NR1H3: variants seen among roughly 807,000 people sequenced by gnomAD.
NR1H3 encodes nuclear receptor subfamily 1 group H member 3.
A neutral mutation model predicts 48.1 loss-of-function variants in NR1H3; 19 were observed. That is an observed-to-expected ratio of 0.40 (90% CI 0.28 to 0.58). NR1H3 has a LOEUF of 0.58. NR1H3 is among the 20% of genes least tolerant of loss of function. The probability of loss-of-function intolerance (pLI) is 0.50; values close to 1 mark genes in which losing one functional copy is unlikely to be tolerated. For missense variants in NR1H3, 486 were observed against 595.9 expected, an observed-to-expected ratio of 0.82 and a Z score of 1.92; for synonymous variants, 232 against 227.3, an observed-to-expected ratio of 1.02 and a Z score of -0.19.
At chr11:47,259,089 T>C (rs1236948298) in intron 1 of NR1H3, 91 bp from the exon 2 acceptor site, 9 of 1,581,388 alleles carry the variant, frequency 5.7e-6, no homozygotes, top group Non-Finnish European at 7.8e-6. Context: ...ATATTGTTGA[T>C]ATTGATAAAA....
chr11:47,262,508 C>CA (rs1554985731), intron 7 of NR1H3, among the ~76,000 whole-genome samples: 2 of 147,604 alleles, frequency 1.4e-5, no homozygotes, highest in Non-Finnish European at 3.0e-5. Context: ...CGGCCAAGTA[C>CA]TTTTTTTTTG....
chr11:47,256,165 C>T (rs752393441), upstream of NR1H3, among the ~76,000 whole-genome samples: 11 of 151,452 alleles, frequency 7.3e-5, no homozygotes, highest in Non-Finnish European at 1.0e-4. Context: ...CTCAGCCTCC[C>T]GAGTAGCTGG....
intron 1 of NR1H3, among the ~76,000 whole-genome samples, chr11:47,251,464 TA>T (rs1336148174): frequency 6.6e-6 from 1 of 151,910 alleles, no homozygotes; most frequent in African/African-American, 2.4e-5. Flanking sequence ...ATACAAAAAT[TA>T]GCCAGTCGTG....
intron 7 of NR1H3, among the ~76,000 whole-genome samples, chr11:47,263,881 C>T (rs900989745): frequency 6.6e-6 from 1 of 152,040 alleles, no homozygotes; most frequent in Non-Finnish European, 1.5e-5. Flanking sequence ...GGGATTACAG[C>T]CATGAGCCAC....
upstream of NR1H3, among the ~76,000 whole-genome samples, chr11:47,255,646 T>G (rs1176821989): frequency 6.9e-6 from 1 of 145,512 alleles, no homozygotes; most frequent in Admixed American, 7.0e-5. Context: ...TCTTTCTTTC[T>G]TTCTCTTTCT....
At chr11:47,263,388 C>A (rs1956122575) in intron 7 of NR1H3, among the ~76,000 whole-genome samples, 1 of 151,814 alleles carries the variant, frequency 6.6e-6, no homozygotes, top group African/African-American at 2.4e-5. Flanking sequence ...CCTCAGCCCC[C>A]AAGTAGGTGG....
rs1223271926 is a variant in NR1H3, at chr11:47,260,707, C to A, written c.499+32C>A. On this transcript the variant is annotated intron_variant, in intron 4 of 9. Transcript: ENST00000441012. ...TTCTGGGGCTGGAGTGGGGAAGAGG[C>A]TGAGGGGAAAGAGGGGGCCAGGGTG... 2.6e-6 allele frequency: 4 copies of A among 1,565,814 alleles called. No homozygotes were observed. The Admixed American group carries it at 5.5e-5, about 22-fold the overall frequency.
chr11:47,260,949 G>A (rs2135635567), intron 4 of NR1H3, among the ~76,000 whole-genome samples: 1 of 152,226 alleles, frequency 6.6e-6, no homozygotes, highest in East Asian at 1.9e-4. Flanking sequence ...GCCGGGTGTG[G>A]TGGTGAGCGC....
In NR1H3 at chr11:47,261,543, G is replaced by C. The variant is rs1218678945; in HGVS notation, c.709-4G>C. On this transcript the variant is annotated splice_polypyrimidine_tract_variant and splice_region_variant and intron_variant, in intron 5 of 9. Transcript: ENST00000441012. ...AAGCGCTTTGCCTTTTCCCTCCTGG[G>C]TAGCCTTGGCCCATGGCACCAGATC... is the stretch of plus-strand genomic sequence containing the variant. The C allele has an allele frequency of 6.2e-7, 1 of 1,613,526 alleles. No individual in the cohort carries two copies.
chr11:47,258,503 G>C (rs1674521628), intron 1 of NR1H3: 1 of 152,668 alleles, frequency 6.6e-6, no homozygotes, highest in African/African-American at 2.4e-5. Context: ...TGCTGGCCTG[G>C]AGGGGACTTT....
In NR1H3 at chr11:47,267,987, G is replaced by C; in HGVS notation, c.1063G>C (p.Glu355Gln). 1 of 1,613,980 alleles carries C rather than the reference G, an allele frequency of 6.2e-7. No individual in the cohort carries two copies. The highest frequency in any genetic ancestry group is 8.5e-7 in the Non-Finnish European group (1 of 1,179,972). ...AMNELQLNDA[E>Q]FALLIAISIF... ...GAATGAGCTGCAACTCAATGATGCC[G>C]AGTTTGCCTTGCTCATTGCTATCAG... Residue 355 changes from glutamate (E) to glutamine (Q), a missense_variant, in exon 8 of 10, where the codon GAG becomes CAG. Transcript: ENST00000441012.
Position 47,260,505 on chromosome 11 carries a change from A to G in NR1H3, c.329A>G (p.Tyr110Cys), listed in dbSNP as rs1264288967. 4.3e-6 allele frequency: 7 copies of G among 1,614,146 alleles called. No individual in the cohort carries two copies. The highest frequency in any genetic ancestry group is 5.9e-6 in the Non-Finnish European group (7 of 1,180,052). ...VCGDKASGFH[Y>C]NVLSCEGCKG... ...GGGGACAAGGCCTCGGGCTTCCACT[A>G]CAATGTTCTGAGCTGCGAGGGCTGC... is the stretch of plus-strand genomic sequence containing the variant. The change falls in exon 4 of 10, where the codon TAC becomes TGC. Residue 110 changes from tyrosine (Y) to cysteine (C), a missense_variant. By Grantham distance (194) the Tyr-to-Cys change is radical. Transcript: ENST00000441012.
At position 47,268,323 on chromosome 11, in the gene NR1H3, C is replaced by T. The variant is rs746845207; in HGVS notation, c.1165C>T (p.Leu389=). The change falls in exon 9 of 10, where the codon CTG becomes TTG. Residue 389 remains leucine (L), a synonymous_variant. Coordinates refer to ENST00000441012, the MANE Select transcript of NR1H3 (RefSeq NM_005693.4). ...ERLQHTYVEA[L]HAYVSIHHPH... ...GCTGCAGCACACATATGTGGAAGCC[C>T]TGCATGCCTACGTCTCCATCCACCA... is the stretch of plus-strand genomic sequence containing the variant. The T allele has an allele frequency of 1.2e-6, 2 of 1,614,150 alleles. No individual in the cohort carries two copies. Among genetic ancestry groups the T allele is most frequent in the Non-Finnish European group, 8.5e-7 (1 of 1,180,016 alleles).
chr11:47,257,830 G>T (rs1464912768), upstream of NR1H3: 2 of 975,444 alleles, frequency 2.1e-6, no homozygotes, highest in South Asian at 9.5e-5. Context: ...TGGCGGGAGA[G>T]GGGGTGGCCG....
chr11:47,248,564 C>A (rs1486840138), upstream of NR1H3: 1 of 1,551,714 alleles, frequency 6.4e-7, no homozygotes, highest in Non-Finnish European at 8.7e-7. Context: ...ACTACCCAGG[C>A]CAGTCGTCCC....
chr11:47,261,192 C>T (rs1457221817), intron 4 of NR1H3, 49 bp from the exon 5 acceptor site: 1 of 1,495,348 alleles, frequency 6.7e-7, no homozygotes, highest in Non-Finnish European at 9.2e-7. Flanking sequence ...CCCCCTTGCC[C>T]CATCCTTTCC....
At chr11:47,254,918 C>T (rs1296374440), upstream of NR1H3, among the ~76,000 whole-genome samples, 4 of 152,204 alleles carry the variant, frequency 2.6e-5, no homozygotes, top group African/African-American at 7.2e-5. Context: ...TCATCTGTTT[C>T]GGTCTCTTTG....
upstream of NR1H3, among the ~76,000 whole-genome samples, chr11:47,255,372 T>G (rs930533812): frequency 3.3e-5 from 5 of 152,154 alleles, no homozygotes; most frequent in African/African-American, 9.7e-5. Context: ...CCAGAAAAGA[T>G]AGTGAAGGGT....
chr11:47,253,134 C>T (rs7109173), upstream of NR1H3, among the ~76,000 whole-genome samples: 52 of 147,762 alleles, frequency 3.5e-4, no homozygotes, highest in East Asian at 4.3e-3. Flanking sequence ...AATTTTTGTG[C>T]GTGTGTGTGT....
Sources: gnomAD v4.1 joint callset for allele counts (sites outside exome capture counted in the v4.1 genomes callset) on GRCh38, gnomAD v4.1.1 for gene constraint, MANE v1.5 for transcripts, NCBI Gene and HGNC (gene_info 2026-07-23, HGNC 2026-07-21) for gene names.